Variants in ZFHX2 observed in about 807,000 individuals in gnomAD.
ZFHX2 encodes the protein zinc finger homeobox protein 2.
ZFHX2 carries 75 observed loss-of-function variants against 164.8 expected under a neutral mutation model. The ratio of observed to expected loss-of-function variants is 0.46; its 90% CI spans 0.38 to 0.55. ZFHX2 has a LOEUF of 0.55. Among genes scored for constraint, ZFHX2 ranks in the 20% least tolerant of loss-of-function variants. ZFHX2 has a pLI of 0.00. For missense variants in ZFHX2, 2,933 were observed against 3,308.0 expected, an observed-to-expected ratio of 0.89 and a Z score of 2.78; for synonymous variants, 1,217 against 1,351.4, an observed-to-expected ratio of 0.90 and a Z score of 2.18.
Position 23,531,604 on chromosome 14 carries a change from C to T in ZFHX2, c.2677G>A (p.Ala893Thr). The change falls in exon 4 of 10, where the codon GCC (alanine) becomes ACC (threonine). Residue 893 changes from alanine (A) to threonine (T), a missense_variant. Ala to Thr is a moderately conservative substitution (Grantham distance 58, BLOSUM62 0). Coordinates refer to ENST00000419474, the MANE Select transcript of ZFHX2 (RefSeq NM_033400.3). ...CTCTGGGCCTGGGCATCGCGGTGGGCAGGTGTGCGCAGGTGTTGCAGCACA... is the reference window on the plus strand; with the variant it reads ...CTCTGGGCCTGGGCATCGCGGTGGGTAGGTGTGCGCAGGTGTTGCAGCACA... ...LAVLQHLRTP[A>T]HRDAQAQRRL... 1 of 1,524,456 alleles carries T rather than the reference C, an allele frequency of 6.6e-7. No homozygotes were observed. The highest frequency in any genetic ancestry group is 8.8e-7 in the Non-Finnish European group (1 of 1,139,798). The allele number at this position is 1,524,456 out of a possible 1,614,324, so 94.4% of individuals were successfully genotyped here.
At chr14:23,540,355 T>C (rs1478002937) in intron 1 of ZFHX2, among the ~76,000 whole-genome samples, 1 of 152,210 alleles carries the variant, frequency 6.6e-6, no homozygotes, top group African/African-American at 2.4e-5. Flanking sequence ...TTAGAGTCAA[T>C]TTTAGGACCT....
Position 23,523,908 on chromosome 14 carries a change from C to T in ZFHX2, c.6034G>A (p.Glu2012Lys). The T allele has an allele frequency of 6.5e-7, 1 of 1,536,200 alleles. No individual in the cohort carries two copies. The highest frequency in any genetic ancestry group is 8.7e-7 in the Non-Finnish European group (1 of 1,146,908). ...PPPSEEEGPEEPPKASPESEA... is the reference protein window; with the variant it reads ...PPPSEEEGPEKPPKASPESEA... Reference sequence around the variant, plus strand: ...CTCTCTGGAGAAGCTTTAGGTGGTTCCTCTGGGCCCTCTTCCTCACTGGGT... The same window carrying T: ...CTCTCTGGAGAAGCTTTAGGTGGTTTCTCTGGGCCCTCTTCCTCACTGGGT... Residue 2012 changes from glutamate (E) to lysine (K), a missense_variant, in exon 9 of 10, where the codon GAA (glutamate) becomes AAA (lysine). By Grantham distance (56) the Glu-to-Lys change is moderately conservative. Coordinates refer to ENST00000419474, the MANE Select transcript of ZFHX2 (RefSeq NM_033400.3). This position sits in a 1 kb window ranked among gnomAD's most constrained non-coding sequence, Gnocchi z 4.1.
Position 23,521,200 on chromosome 14 carries a change from G to A in ZFHX2, c.*762C>T, listed in dbSNP as rs1877935952. On this transcript the variant is annotated 3_prime_UTR_variant, in exon 10 of 10. Transcript: ENST00000419474. Reference sequence around the variant, plus strand: ...GGGATTGGCAGAGGGGTTTCTGGTGGCGGCATCCCCTAGAGTCCAGGCCAC... The same window carrying A: ...GGGATTGGCAGAGGGGTTTCTGGTGACGGCATCCCCTAGAGTCCAGGCCAC... 1 of 152,552 alleles carries A rather than the reference G, an allele frequency of 6.6e-6. No individual in the cohort carries two copies. Among genetic ancestry groups the A allele is most frequent in the East Asian group, 1.9e-4 (1 of 5,182 alleles). 9.4% of individuals were successfully genotyped at this position (152,552 alleles called of 1,614,324 possible).
In ZFHX2 at chr14:23,522,200, G is replaced by C; in HGVS notation, c.7481C>G (p.Thr2494Ser). Residue 2494 changes from threonine to serine, a missense_variant, in exon 10 of 10, where the codon ACC becomes AGC. Physicochemically the swap from Thr to Ser is moderately conservative, Grantham distance 58 (BLOSUM62 1). Transcript: ENST00000419474. ...CACCTCACATGCCAGGCAGTGGTAG[G>C]TGCAGATGGGCACCCGCAATGGGGG... Reference protein sequence around the residue: ...MPPPLRVPICTYHCLACEVLL... With the variant: ...MPPPLRVPICSYHCLACEVLL... 2 of 1,483,808 alleles carry C rather than the reference G, an allele frequency of 1.3e-6. No individual in the cohort carries two copies. Among genetic ancestry groups the C allele is most frequent in the Non-Finnish European group, 1.8e-6 (2 of 1,119,928 alleles). 91.9% of individuals were successfully genotyped at this position (1,483,808 alleles called of 1,614,324 possible).
chr14:23,526,962 T>A lies in ZFHX2; in HGVS notation c.3147A>T (p.Val1049=), dbSNP rs1330806163. Residue 1049 remains valine (V), a synonymous_variant, in exon 8 of 10, where the codon GTA becomes GTT. Transcript: ENST00000419474. The stretch of plus-strand genomic sequence containing the variant: ...GCACTTTGGTTGTAAATGTCATTTC[T>A]ACAGTTGTAGCCTGCAATGAGAAAA... ...VEKLLLVATT[V]EMTFTTKVLS... 1 of 1,520,876 alleles carries A rather than the reference T, an allele frequency of 6.6e-7. No homozygotes were observed. The highest frequency in any genetic ancestry group is 1.4e-5 in the African/African-American group (1 of 72,478). 94.2% of individuals were successfully genotyped at this position (1,520,876 alleles called of 1,614,324 possible).
chr14:23,555,431 T>G (rs1158108264), upstream of ZFHX2, among the ~76,000 whole-genome samples: 5 of 152,340 alleles, frequency 3.3e-5, no homozygotes, highest in East Asian at 9.6e-4. Context: ...CCTCGTCTTC[T>G]CCTTACGTAC....
At chr14:23,547,011 C>T (rs1259551323) in intron 1 of ZFHX2, among the ~76,000 whole-genome samples, 1 of 152,220 alleles carries the variant, frequency 6.6e-6, no homozygotes, top group Non-Finnish European at 1.5e-5. Context: ...CCCTTCACCT[C>T]GTGATTCCTG....
chr14:23,548,926 A>G (rs1881674243), intron 1 of ZFHX2, among the ~76,000 whole-genome samples: 1 of 151,946 alleles, frequency 6.6e-6, no homozygotes, highest in African/African-American at 2.4e-5. Flanking sequence ...GTTTCCTTTG[A>G]TACCTCATCC....
At chr14:23,530,280 C>T (rs1040399315) in intron 4 of ZFHX2, 86 bp from the exon 5 acceptor site, 1 of 1,064,524 alleles carries the variant, frequency 9.4e-7, no homozygotes. Flanking sequence ...GGACAAGCAG[C>T]CAGTCAATGA....
chr14:23,523,322 G>A lies in ZFHX2; in HGVS notation c.6620C>T (p.Thr2207Ile), dbSNP rs1354394363. ...CCCGAGGGGCATGGAGGCAGGTGTG[G>A]TGGCAGGTGGGGCCTTGAGAGCTGG... The part of the protein sequence containing the change: ...APPALKAPPA[T>I]TPASMPLGAA... Residue 2207 changes from threonine (T) to isoleucine (I), a missense_variant, in exon 9 of 10, where the codon ACC (threonine) becomes ATC (isoleucine). Thr to Ile is a moderately conservative substitution (Grantham distance 89). Transcript: ENST00000419474. The surrounding 1 kb of genome is among the most constrained non-coding windows in gnomAD (Gnocchi z 4.1). 2.1e-6 allele frequency: 3 copies of A among 1,453,782 alleles called. No individual in the cohort carries two copies. Among genetic ancestry groups the A allele is most frequent in the Non-Finnish European group, 2.7e-6 (3 of 1,107,382 alleles). 90.1% of individuals were successfully genotyped at this position (1,453,782 alleles called of 1,614,324 possible).
chr14:23,533,464 G>C lies in ZFHX2; in HGVS notation c.1862C>G (p.Pro621Arg). Residue 621 changes from proline (P) to arginine (R), a missense_variant, in exon 2 of 10, where the codon CCA becomes CGA. Physicochemically the swap from Pro to Arg is moderately radical, Grantham distance 103. Transcript: ENST00000419474. The surrounding 1 kb of genome is among the most constrained non-coding windows in gnomAD (Gnocchi z 4.8). ...AGGGGGGCTAGTGGGGGTAGCCCCT[G>C]GTGGGGGAGGAGGGCCTGGCCCCAT... ...GLMGPGPPPP[P>R]GATPTSPPEL... 6.5e-7 allele frequency: 1 copy of C among 1,535,194 alleles called. No individual in the cohort carries two copies. The highest frequency in any genetic ancestry group is 8.7e-7 in the Non-Finnish European group (1 of 1,146,200).
At position 23,532,865 on chromosome 14, in the gene ZFHX2, GC is replaced by G; in HGVS notation, c.2260del (p.Ala754LeufsTer170). On this transcript the variant is annotated frameshift_variant, in exon 3 of 10. Coordinates refer to ENST00000419474, the MANE Select transcript of ZFHX2 (RefSeq NM_033400.3). LOFTEE classifies it high-confidence loss of function. ...AAGCTTGCAGCGGTGGGTGTCACCA[GC>G]CACCTCCTTCCATTCAGCTTCCGGG... Reference protein sequence around the residue: ...SLPEAEWKEVAGDTHRCKLCC... With the variant: ...SLPEAEWKEVXGDTHRCKLCC... The G allele has an allele frequency of 6.5e-7, 1 of 1,536,224 alleles. No individual in the cohort carries two copies. The highest frequency in any genetic ancestry group is 8.7e-7 in the Non-Finnish European group (1 of 1,146,930).
At position 23,524,382 on chromosome 14, in the gene ZFHX2, G is replaced by C; in HGVS notation, c.5560C>G (p.Pro1854Ala). 1.3e-6 allele frequency: 2 copies of C among 1,536,202 alleles called. No homozygotes were observed. The highest frequency in any genetic ancestry group is 1.7e-6 in the Non-Finnish European group (2 of 1,146,918). The change falls in exon 9 of 10, where the codon CCC becomes GCC. Residue 1854 changes from proline (P) to alanine (A), a missense_variant. Pro to Ala is a conservative substitution (Grantham distance 27). Coordinates refer to ENST00000419474, the MANE Select transcript of ZFHX2 (RefSeq NM_033400.3). The surrounding 1 kb of genome is among the most constrained non-coding windows in gnomAD (Gnocchi z 5.6). ...GTGCGCAGGCGCTTGTCCCTGGGGG[G>C]CTCGCCCTCCCCTCCTCCCCCTGCT... ...SEAGGGGEGEPPRDKRLRTTI... is the reference protein window; with the variant it reads ...SEAGGGGEGEAPRDKRLRTTI...
rs1360084514 is a variant in ZFHX2, at chr14:23,546,307, C to A, written c.-50+5036G>T. The stretch of plus-strand genomic sequence containing the variant: ...GCTTTGATGTAATCCTGTGTTCCTG[C>A]CAAATACAGAAAGAGGGCTCCTGTT... On this transcript the variant is annotated intron_variant, in intron 1 of 9. Coordinates refer to ENST00000419474, the MANE Select transcript of ZFHX2 (RefSeq NM_033400.3). The surrounding 1 kb of genome is among the most constrained non-coding windows in gnomAD (Gnocchi z 4.7). 6.6e-6 allele frequency among the ~76,000 whole-genome samples: 1 copy of A among 152,156 alleles called. No individual in the cohort carries two copies. Among genetic ancestry groups the A allele is most frequent in the African/African-American group, 2.4e-5 (1 of 41,428 alleles).
In ZFHX2 at chr14:23,534,110, C is replaced by T; in HGVS notation, c.1216G>A (p.Val406Met). The change falls in exon 2 of 10, where the codon GTG (valine) becomes ATG (methionine). Residue 406 changes from valine to methionine, a missense_variant. Val to Met is a conservative substitution (Grantham distance 21). Transcript: ENST00000419474. This position sits in a 1 kb window ranked among gnomAD's most constrained non-coding sequence, Gnocchi z 4.5. ...SKEGGTLPAP[V>M]GSPEDPSDPP... Reference sequence around the variant, plus strand: ...TCACTGGGGTCTTCGGGGGAGCCCACTGGGGCAGGGAGAGTGCCCCCCTCC... The same window carrying T: ...TCACTGGGGTCTTCGGGGGAGCCCATTGGGGCAGGGAGAGTGCCCCCCTCC... 3 of 1,491,100 alleles carry T rather than the reference C, an allele frequency of 2.0e-6. No individual in the cohort carries two copies. Among genetic ancestry groups the T allele is most frequent in the Non-Finnish European group, 1.8e-6 (2 of 1,123,256 alleles). 92.4% of individuals were successfully genotyped at this position (1,491,100 alleles called of 1,614,324 possible).
At position 23,522,835 on chromosome 14, in the gene ZFHX2, C is replaced by A; in HGVS notation, c.6846G>T (p.Met2282Ile). Reference protein sequence around the residue: ...GPGRPLPQRPMPDQTNTSTAG... With the variant: ...GPGRPLPQRPIPDQTNTSTAG... ...CTGTGGAGGTGTTGGTTTGGTCGGG[C>A]ATGGGTCTCTGAGGTAAGGGGCGGC... The change falls in exon 10 of 10, where the codon ATG becomes ATT. Residue 2282 changes from methionine to isoleucine, a missense_variant. By Grantham distance (10) the Met-to-Ile change is conservative. Coordinates refer to ENST00000419474, the MANE Select transcript of ZFHX2 (RefSeq NM_033400.3). 6.5e-7 allele frequency: 1 copy of A among 1,533,758 alleles called. No homozygotes were observed.
At position 23,527,749 on chromosome 14, in the gene ZFHX2, G is replaced by A. The variant is rs868008052; in HGVS notation, c.2990C>T (p.Ala997Val). ...FLSPESSQVR[A>V]HTLSQHAVQP... ...CACTGCATGCTGGGAGAGTGTATGA[G>A]CCCTCACCTGGCTGGACTCTGGGCT... Residue 997 changes from alanine to valine, a missense_variant, in exon 7 of 10, where the codon GCT becomes GTT. Ala to Val is a moderately conservative substitution (Grantham distance 64, BLOSUM62 0). Coordinates refer to ENST00000419474, the MANE Select transcript of ZFHX2 (RefSeq NM_033400.3). 1 of 1,536,120 alleles carries A rather than the reference G, an allele frequency of 6.5e-7. No homozygotes were observed. Among genetic ancestry groups the A allele is most frequent in the Non-Finnish European group, 8.7e-7 (1 of 1,146,922 alleles).
chr14:23,531,262 C>G (rs770943209), intron 4 of ZFHX2: 57 of 556,894 alleles, frequency 1.0e-4, no homozygotes, highest in Middle Eastern at 5.2e-4. Flanking sequence ...ATCCACCCAG[C>G]AAAGCCCCTG....
chr14:23,529,901 A>G, intron 5 of ZFHX2, 133 bp from the exon 6 acceptor site: 11 of 1,025,176 alleles, frequency 1.1e-5, no homozygotes, highest in Admixed American at 2.1e-5. Flanking sequence ...AGGCTTGGCA[A>G]GGGCTGACTC....
Sources: allele counts gnomAD v4.1 joint callset (sites outside exome capture counted in the v4.1 genomes callset), GRCh38; gene constraint gnomAD v4.1.1; non-coding constraint Gnocchi (gnomAD v3.1); transcripts MANE v1.5; gene names NCBI Gene and HGNC (gene_info 2026-07-23, HGNC 2026-07-21).